The following ASH1L variants were observed in gnomAD, a reference collection of about 807,000 sequenced individuals.
ASH1L encodes histone-lysine N-methyltransferase ASH1L.
Under a neutral mutation model 269.0 loss-of-function variants are expected in ASH1L, and 23 were observed. The ratio of observed to expected loss-of-function variants is 0.09; its 90% CI spans 0.06 to 0.12. The LOEUF (loss-of-function observed/expected upper bound fraction) is 0.12, where lower values mean the gene tolerates loss of function less well. Among genes scored for constraint, ASH1L ranks in the 10% least tolerant of loss-of-function variants. The pLI is 1.00. For synonymous variants in ASH1L, 1,187 were observed against 1,253.5 expected (o/e 0.95, Z 1.12); for missense variants, 2,912 against 3,567.8 (o/e 0.82, Z 4.68).
At chr1:155,397,132 GA>G (rs1286164962) in intron 6 of ASH1L, among the ~76,000 whole-genome samples, 364 of 74,310 alleles carry the variant, frequency 4.9e-3, no homozygotes, top group East Asian at 0.041. Flanking sequence ...GTCAAAAAAA[GA>G]AAAAAAAAAA....
At chr1:155,457,426 T>C (rs773617576) in intron 4 of ASH1L, among the ~76,000 whole-genome samples, 48 of 152,340 alleles carry the variant, frequency 3.2e-4, no homozygotes, top group Non-Finnish European at 5.6e-4. Context: ...AAAAACACTA[T>C]GCTATTTCAT....
chr1:155,351,891 T>TA (rs1558022555), intron 17 of ASH1L, among the ~76,000 whole-genome samples: 1 of 151,534 alleles, frequency 6.6e-6, no homozygotes, highest in African/African-American at 2.4e-5. Flanking sequence ...ATAAATAAAT[T>TA]AATTACTATT....
intron 2 of ASH1L, among the ~76,000 whole-genome samples, chr1:155,491,933 A>G (rs1333742441): frequency 6.6e-6 from 1 of 151,850 alleles, no homozygotes; most frequent in East Asian, 1.9e-4. Context: ...TCAGCCTCTC[A>G]ATGTGCTGGG....
At chr1:155,505,644 C>T (rs564986922) in intron 2 of ASH1L, among the ~76,000 whole-genome samples, 11 of 152,112 alleles carry the variant, frequency 7.2e-5, no homozygotes, top group Non-Finnish European at 1.2e-4. Flanking sequence ...ATAATGGTTT[C>T]GTAACTCTGT....
At chr1:155,550,175 C>G (rs1162627212) in intron 1 of ASH1L, among the ~76,000 whole-genome samples, 1 of 152,138 alleles carries the variant, frequency 6.6e-6, no homozygotes, top group South Asian at 2.1e-4. Flanking sequence ...TGTGCACCAC[C>G]ACGCCCAGCT....
chr1:155,368,362 T>C (rs1253456434), intron 12 of ASH1L, among the ~76,000 whole-genome samples: 1 of 152,180 alleles, frequency 6.6e-6, no homozygotes, highest in Non-Finnish European at 1.5e-5. Flanking sequence ...GTTCTTTTGT[T>C]AGATATTTTA....
rs1558230031 is a variant in ASH1L, at chr1:155,562,558, T to TC, written c.-506dup. 6.5e-7 allele frequency: 1 copy of TC among 1,527,576 alleles called. No individual in the cohort carries two copies. Among genetic ancestry groups the TC allele is most frequent in the Non-Finnish European group, 8.8e-7 (1 of 1,139,276 alleles). 94.6% of individuals were successfully genotyped at this position (1,527,576 alleles called of 1,614,324 possible). A position where few individuals can be genotyped will look rare whatever the true frequency, so the allele number is the denominator to read the frequency against. On this transcript the variant is annotated 5_prime_UTR_variant, in exon 1 of 28. Transcript: ENST00000392403. The stretch of plus-strand genomic sequence containing the variant: ...TTCCTCCTTGCGTTCTTTCCCACCG[T>TC]CCCCCGCTCCGCCCGACTCCGTCCG...
At chr1:155,339,609 T>C (rs1439229517) in intron 25 of ASH1L, among the ~76,000 whole-genome samples, 1 of 152,226 alleles carries the variant, frequency 6.6e-6, no homozygotes. Flanking sequence ...ATTTCACCTT[T>C]TAAATACAGT....
At chr1:155,444,091 C>T (rs535630463) in intron 4 of ASH1L, among the ~76,000 whole-genome samples, 1 of 144,372 alleles carries the variant, frequency 6.9e-6, no homozygotes, top group African/African-American at 2.6e-5. Flanking sequence ...TCAAGTGATT[C>T]TCCTGCCTCA....
chr1:155,554,055 A>C (rs921030273), intron 1 of ASH1L, among the ~76,000 whole-genome samples: 5 of 150,178 alleles, frequency 3.3e-5, no homozygotes, highest in African/African-American at 4.9e-5. Context: ...TCAGCCACTC[A>C]AAGTGTAAGC....
At chr1:155,516,818 G>A (rs1262559639) in intron 2 of ASH1L, among the ~76,000 whole-genome samples, 4 of 151,856 alleles carry the variant, frequency 2.6e-5, no homozygotes, top group African/African-American at 9.7e-5. Flanking sequence ...TATTTACAAT[G>A]AGCAATCTGA....
At chr1:155,373,080 G>T (rs1368881954) in intron 10 of ASH1L, among the ~76,000 whole-genome samples, 2 of 151,922 alleles carry the variant, frequency 1.3e-5, no homozygotes, top group African/African-American at 4.8e-5. Context: ...GGGCGTGGTG[G>T]TATGTGCCTA....
intron 2 of ASH1L, among the ~76,000 whole-genome samples, chr1:155,499,497 C>T (rs1667368600): frequency 6.6e-6 from 1 of 152,172 alleles, no homozygotes; most frequent in Non-Finnish European, 1.5e-5. Flanking sequence ...AGAGAGGAAA[C>T]TTTTCTTTCA....
At chr1:155,508,633 C>G (rs1032722583) in intron 2 of ASH1L, among the ~76,000 whole-genome samples, 9 of 152,130 alleles carry the variant, frequency 5.9e-5, no homozygotes, top group Non-Finnish European at 1.3e-4. Context: ...CAGTGAGACT[C>G]TAGTCTCAAA....
rs187512578 is a variant in ASH1L, at chr1:155,375,903, G to A, written c.6332+2378C>T. ...GATTTAAGGGTTCAGGACCGGCCTC[G>A]GCTAAGTATCGAGATCCCGTCTCTA... On this transcript the variant is annotated intron_variant, in intron 10 of 27. Transcript: ENST00000392403. Among the ~76,000 whole-genome samples the A allele has an allele frequency of 1.9e-3, 287 of 152,066 alleles. 2 individuals are homozygous for A. The highest frequency in any genetic ancestry group is 6.6e-3 in the African/African-American group (275 of 41,482).
At chr1:155,444,510 T>G (rs1036463178) in intron 4 of ASH1L, among the ~76,000 whole-genome samples, 2 of 152,216 alleles carry the variant, frequency 1.3e-5, no homozygotes, top group Admixed American at 1.3e-4. Context: ...TTATTGGCAA[T>G]TCATATGCAT....
At chr1:155,366,800 T>C (rs994401953) in intron 12 of ASH1L, among the ~76,000 whole-genome samples, 4 of 151,826 alleles carry the variant, frequency 2.6e-5, no homozygotes, top group South Asian at 4.2e-4. Context: ...CAGCCTCCAA[T>C]AGCTGGGACT....
At chr1:155,381,956 C>T (rs1190610317) in intron 7 of ASH1L, among the ~76,000 whole-genome samples, 1 of 151,954 alleles carries the variant, frequency 6.6e-6, no homozygotes, top group African/African-American at 2.4e-5. Context: ...CCTGTAATCC[C>T]AGCACTTTGG....
intron 1 of ASH1L, among the ~76,000 whole-genome samples, chr1:155,554,497 C>T (rs1307746010): frequency 6.6e-6 from 1 of 152,096 alleles, no homozygotes; most frequent in Non-Finnish European, 1.5e-5. Flanking sequence ...GTCTCAAACT[C>T]CCAATCTCAG....
Sources: gnomAD v4.1 joint callset for allele counts (sites outside exome capture counted in the v4.1 genomes callset) on GRCh38, gnomAD v4.1.1 for gene constraint, MANE v1.5 for transcripts, NCBI Gene and HGNC (gene_info 2026-07-23, HGNC 2026-07-21) for gene names.